The following PARP11 variants were observed in gnomAD, a reference collection of about 807,000 sequenced individuals.
PARP11 encodes the protein poly(ADP-ribose) polymerase family member 11.
PARP11 carries 31 observed loss-of-function variants against 42.9 expected under a neutral mutation model. That is an observed-to-expected ratio of 0.72 (90% confidence interval 0.54 to 0.98). PARP11 has a LOEUF of 0.98. PARP11 is among the 50% of genes least tolerant of loss of function. The probability of loss-of-function intolerance (pLI) is 0.00; values close to 1 mark genes in which losing one functional copy is unlikely to be tolerated. For synonymous variants in PARP11, 137 were observed against 127.3 expected (o/e 1.08, Z -0.51); for missense variants, 365 against 413.1 (o/e 0.88, Z 1.01).
Position 3,873,295 on chromosome 12 carries a change from ATTT to A in PARP11, c.-69_-67del. ...GCTAGCCGCGGGGCCTGGGTGTTGGATTTTTTTTTTTCCCGCGGGTCCCCGGGA... is the reference window on the plus strand; with the variant it reads ...GCTAGCCGCGGGGCCTGGGTGTTGGATTTTTTTTCCCGCGGGTCCCCGGGA... On this transcript the variant is annotated 5_prime_UTR_variant, in exon 1 of 8. Transcript: ENST00000228820. 1.7e-6 allele frequency: 2 copies of A among 1,192,620 alleles called. No homozygotes were observed. The highest frequency in any genetic ancestry group is 1.6e-5 in the South Asian group (1 of 63,570). The allele number at this position is 1,192,620 out of a possible 1,614,324, so 73.9% of individuals were successfully genotyped here.
intron 1 of PARP11, among the ~76,000 whole-genome samples, chr12:3,844,142 C>T (rs564160043): frequency 5.9e-5 from 9 of 152,188 alleles, no homozygotes; most frequent in South Asian, 4.1e-4. Flanking sequence ...ACCTAACGTC[C>T]GTGTAACTGC....
chr12:3,824,453 A>G, intron 4 of PARP11: 1 of 178,626 alleles, frequency 5.6e-6, no homozygotes, highest in Non-Finnish European at 1.1e-5. Context: ...ACAGCCTTAA[A>G]GAACTCCTTG....
chr12:3,817,991 CAAGATGCT>C (rs1334426082), intron 6 of PARP11, among the ~76,000 whole-genome samples: 1 of 152,140 alleles, frequency 6.6e-6, no homozygotes, highest in Non-Finnish European at 1.5e-5. Flanking sequence ...ACATTATTAA[CAAGATGCT>C]CTTATTTCCT....
intron 1 of PARP11, among the ~76,000 whole-genome samples, chr12:3,868,297 C>G (rs1181097850): frequency 6.6e-6 from 1 of 152,110 alleles, no homozygotes; most frequent in Non-Finnish European, 1.5e-5. Context: ...CCTGTCTCTA[C>G]TAAAATACAA....
In PARP11 at chr12:3,826,171, T is replaced by C; in HGVS notation, c.331A>G (p.Ile111Val). The C allele has an allele frequency of 3.8e-6, 6 of 1,592,578 alleles. No individual in the cohort carries two copies. The highest frequency in any genetic ancestry group is 5.1e-6 in the Non-Finnish European group (6 of 1,172,662). The change falls in exon 4 of 8, where the codon ATC becomes GTC. Residue 111 changes from isoleucine (I) to valine (V), a missense_variant. Coordinates refer to ENST00000228820, the MANE Select transcript of PARP11 (RefSeq NM_020367.6). ...QRLIKRAPFS[I>V]SAFSYICENE... ...TCTTTACCATACCTGAAAGCACTGA[T>C]AGAAAAGGGGGCTCTTTTTATTAAG...
chr12:3,840,651 GA>G lies in PARP11; in HGVS notation c.19-10634del, dbSNP rs1591781269. On this transcript the variant is annotated intron_variant, in intron 1 of 7. Transcript: ENST00000228820. The surrounding 1 kb of genome is among the most constrained non-coding windows in gnomAD (Gnocchi z 4.4). ...CAGAGTAGCAATCCATGTGTCCAGA[GA>G]AAATCATCACACGTAAGTGATAGAA... The G allele has an allele frequency of 8.3e-7, 1 of 1,209,834 alleles. No individual in the cohort carries two copies. Among genetic ancestry groups the G allele is most frequent in the Non-Finnish European group, 1.2e-6 (1 of 810,856 alleles). 74.9% of individuals were successfully genotyped at this position (1,209,834 alleles called of 1,614,324 possible). A position where few individuals can be genotyped will look rare whatever the true frequency, so the allele number is the denominator to read the frequency against.
Position 3,840,626 on chromosome 12 carries a change from C to CA in PARP11, c.19-10609dup. The CA allele has an allele frequency of 2.5e-6, 3 of 1,220,666 alleles. No individual in the cohort carries two copies. Among genetic ancestry groups the CA allele is most frequent in the South Asian group, 2.4e-5 (2 of 83,116 alleles). The allele number at this position is 1,220,666 out of a possible 1,614,324, so 75.6% of individuals were successfully genotyped here. A position where few individuals can be genotyped will look rare whatever the true frequency, so the allele number is the denominator to read the frequency against. On this transcript the variant is annotated intron_variant, in intron 1 of 7. Transcript: ENST00000228820. This position sits in a 1 kb window ranked among gnomAD's most constrained non-coding sequence, Gnocchi z 4.4. Reference sequence around the variant, plus strand: ...CGAGAATCTAACTATTGCTACTTCTCAGAGTAGCAATCCATGTGTCCAGAG... The same window carrying CA: ...CGAGAATCTAACTATTGCTACTTCTCAAGAGTAGCAATCCATGTGTCCAGAG...
In PARP11 at chr12:3,830,030, G is replaced by A; in HGVS notation, c.19-12C>T. ...TTGTGAAACATCTCCTGAAAAGCCA[G>A]AAGGAGGTGGAGGAAGAAATAATTC... is the stretch of plus-strand genomic sequence containing the variant. On this transcript the variant is annotated splice_polypyrimidine_tract_variant and intron_variant, in intron 1 of 7. Coordinates refer to ENST00000228820, the MANE Select transcript of PARP11 (RefSeq NM_020367.6). The A allele has an allele frequency of 6.2e-7, 1 of 1,611,734 alleles. No individual in the cohort carries two copies. The highest frequency in any genetic ancestry group is 8.5e-7 in the Non-Finnish European group (1 of 1,178,016).
At position 3,821,913 on chromosome 12, in the gene PARP11, G is replaced by C; in HGVS notation, c.508C>G (p.Gln170Glu). 6.2e-7 allele frequency: 1 copy of C among 1,608,998 alleles called. No homozygotes were observed. The highest frequency in any genetic ancestry group is 8.5e-7 in the Non-Finnish European group (1 of 1,178,922). ...TMDRNRIKRI[Q>E]RIQNLDLWEF... ...CACAAATCTAGGTTTTGAATTCTCTGAATTCTTTTAATTCGGTTGCGATCC... is the reference window on the plus strand; with the variant it reads ...CACAAATCTAGGTTTTGAATTCTCTCAATTCTTTTAATTCGGTTGCGATCC... Residue 170 changes from glutamine (Q) to glutamate (E), a missense_variant, in exon 6 of 8, where the codon CAG (glutamine) becomes GAG (glutamate). Transcript: ENST00000228820.
At position 3,811,426 on chromosome 12, in the gene PARP11, C is replaced by T. The variant is rs527672838; in HGVS notation, c.*697G>A. On this transcript the variant is annotated 3_prime_UTR_variant, in exon 8 of 8. Transcript: ENST00000228820. ...TGATGGATGAAGTGTAGGCTAATGACATTTTGCAGCAATTATCAATTCAGA... is the reference window on the plus strand; with the variant it reads ...TGATGGATGAAGTGTAGGCTAATGATATTTTGCAGCAATTATCAATTCAGA... 24 of 152,340 alleles carry T rather than the reference C, an allele frequency of 1.6e-4. No individual in the cohort carries two copies. The highest frequency in any genetic ancestry group is 5.5e-4 in the African/African-American group (23 of 41,568). The allele number at this position is 152,340 out of a possible 1,614,324, so 9.4% of individuals were successfully genotyped here.
chr12:3,842,353 A>C (rs1947907335), intron 1 of PARP11: 1 of 1,611,594 alleles, frequency 6.2e-7, no homozygotes, highest in Non-Finnish European at 8.5e-7. Context: ...CTATTCTGGT[A>C]GGGGCGGATA....
At chr12:3,857,690 A>C (rs1341310014) in intron 1 of PARP11, among the ~76,000 whole-genome samples, 1 of 151,902 alleles carries the variant, frequency 6.6e-6, no homozygotes, top group Non-Finnish European at 1.5e-5. Flanking sequence ...CTCTTTTCTG[A>C]CTAGTTTCAC....
At chr12:3,833,409 T>A (rs1947688508) in intron 1 of PARP11, among the ~76,000 whole-genome samples, 1 of 152,058 alleles carries the variant, frequency 6.6e-6, no homozygotes, top group Admixed American at 6.6e-5. Context: ...GAGGCAAGCC[T>A]GGCAACACAG....
intron 1 of PARP11, among the ~76,000 whole-genome samples, chr12:3,849,771 G>A (rs1355549499): frequency 1.3e-5 from 2 of 152,130 alleles, no homozygotes; most frequent in African/African-American, 4.8e-5. Flanking sequence ...TAGGGTGACT[G>A]TAGTTTACAA....
At chr12:3,826,032 G>C (rs532977063) in intron 4 of PARP11, 126 bp downstream of exon 4, 1 of 600,988 alleles carries the variant, frequency 1.7e-6, no homozygotes, top group African/African-American at 1.9e-5. Context: ...CCTGGCCCAA[G>C]ATTTGATATT....
intron 1 of PARP11, among the ~76,000 whole-genome samples, chr12:3,837,743 A>C (rs1207003202): frequency 1.3e-5 from 2 of 152,158 alleles, no homozygotes; most frequent in Non-Finnish European, 2.9e-5. Context: ...CATGAGGATG[A>C]AAGTGAAGGC....
chr12:3,840,158 T>C lies in PARP11; in HGVS notation c.19-10140A>G. On this transcript the variant is annotated intron_variant, in intron 1 of 7. Transcript: ENST00000228820. This position sits in a 1 kb window ranked among gnomAD's most constrained non-coding sequence, Gnocchi z 4.4. Reference sequence around the variant, plus strand: ...ATTGCTGCTGGCTTACAATATGAAGTTGGAGACAAATGTCAAGTTAGGTTG... The same window carrying C: ...ATTGCTGCTGGCTTACAATATGAAGCTGGAGACAAATGTCAAGTTAGGTTG... The C allele has an allele frequency of 3.7e-6, 6 of 1,611,516 alleles. No individual in the cohort carries two copies. The South Asian group carries it at 6.6e-5, about 18-fold the overall frequency.
Position 3,833,739 on chromosome 12 carries a change from C to A in PARP11, c.19-3721G>T, listed in dbSNP as rs540078253. On this transcript the variant is annotated intron_variant, in intron 1 of 7. Transcript: ENST00000228820. The stretch of plus-strand genomic sequence containing the variant: ...CAAGAAAATGTACTCAATCTCAGAA[C>A]AAGTCAGAGTCTGTGGCGTTTGAGT... 4.6e-5 allele frequency among the ~76,000 whole-genome samples: 7 copies of A among 152,316 alleles called. No individual in the cohort carries two copies. In the South Asian group the frequency reaches 1.2e-3, roughly 27 times the overall value.
intron 1 of PARP11, among the ~76,000 whole-genome samples, chr12:3,833,560 C>G (rs562872569): frequency 5.9e-5 from 9 of 152,206 alleles, no homozygotes; most frequent in African/African-American, 2.2e-4. Flanking sequence ...GCTAACATCA[C>G]GCCACTGCAC....
Sources: allele counts gnomAD v4.1 joint callset (sites outside exome capture counted in the v4.1 genomes callset), GRCh38; gene constraint gnomAD v4.1.1; non-coding constraint Gnocchi (gnomAD v3.1); transcripts MANE v1.5; gene names NCBI Gene and HGNC (gene_info 2026-07-23, HGNC 2026-07-21).